The following TOP2B variants were observed in gnomAD, a reference collection of about 807,000 sequenced individuals.
The protein encoded by TOP2B is DNA topoisomerase II beta, also known as DNA topoisomerase 2-beta.
Under a neutral mutation model 193.5 loss-of-function variants are expected in TOP2B, and 51 were observed. The observed-to-expected ratio is 0.26, with a 90% CI of 0.21 to 0.33. The LOEUF (loss-of-function observed/expected upper bound fraction) is 0.33, where lower values mean the gene tolerates loss of function less well. Ranked by LOEUF, TOP2B falls within the 10% of genes least tolerant of loss-of-function variation. The pLI, the probability that TOP2B is intolerant of heterozygous loss-of-function variation, is 1.00. For missense variants in TOP2B, 1,378 were observed against 1,909.3 expected (o/e 0.72, Z 5.19); for synonymous variants, 634 against 635.7 (o/e 1.00, Z 0.04).
chr3:25,599,327 A>T, intron 35 of TOP2B, 108 bp downstream of exon 35: 1 of 906,978 alleles, frequency 1.1e-6, no homozygotes. Context: ...TTGATACGAG[A>T]TGCTAGGTGG....
At chr3:25,598,789 T>TC (rs1575557261) in intron 35 of TOP2B, among the ~76,000 whole-genome samples, 1 of 152,154 alleles carries the variant, frequency 6.6e-6, no homozygotes, top group East Asian at 1.9e-4. Context: ...TAGTAAAAAT[T>TC]CAAGCTGTCC....
rs1405674410 is a variant in TOP2B, at chr3:25,599,583, A to G, written c.4616-54T>C. On this transcript the variant is annotated intron_variant, in intron 34 of 35. Coordinates refer to ENST00000264331, the MANE Select transcript of TOP2B (RefSeq NM_001330700.2). ...CCGTGGTTAAGTGCAATATAAAAAG[A>G]TAAATGCCACAACATTGTAGTTTAT... is the stretch of plus-strand genomic sequence containing the variant. The G allele has an allele frequency of 1.3e-5, 19 of 1,499,624 alleles. No homozygotes were observed. The Admixed American group carries it at 3.3e-4, about 26-fold the overall frequency. The allele number at this position is 1,499,624 out of a possible 1,614,324, so 92.9% of individuals were successfully genotyped here. A position where few individuals can be genotyped will look rare whatever the true frequency, so the allele number is the denominator to read the frequency against.
intron 21 of TOP2B, 113 bp from the exon 22 acceptor site, chr3:25,620,929 T>C: frequency 1.7e-6 from 2 of 1,171,424 alleles, no homozygotes; most frequent in Non-Finnish European, 2.4e-6. Flanking sequence ...TCATCCTCAA[T>C]TGTCCCTTTC....
At chr3:25,598,669 G>T (rs1701997809) in intron 35 of TOP2B, among the ~76,000 whole-genome samples, 192 bp from the exon 36 acceptor site, 1 of 152,170 alleles carries the variant, frequency 6.6e-6, no homozygotes, top group Admixed American at 6.5e-5. Context: ...ATTACATACA[G>T]TAATTCACCA....
chr3:25,630,583 A>G, intron 11 of TOP2B, 114 bp from the exon 12 acceptor site: 1 of 912,992 alleles, frequency 1.1e-6, no homozygotes, highest in Non-Finnish European at 1.6e-6. Flanking sequence ...TATAAAAGTT[A>G]TTTTACATTA....
chr3:25,644,304 T>C (rs992355628), intron 2 of TOP2B, among the ~76,000 whole-genome samples: 1 of 152,162 alleles, frequency 6.6e-6, no homozygotes, highest in Non-Finnish European at 1.5e-5. Flanking sequence ...TCAAATGAGA[T>C]AATATATGTA....
At chr3:25,660,629 T>A (rs1383692478) in intron 1 of TOP2B, among the ~76,000 whole-genome samples, 2 of 152,146 alleles carry the variant, frequency 1.3e-5, no homozygotes, top group African/African-American at 4.8e-5. Flanking sequence ...AAGAGATAAA[T>A]CTAACTATGG....
intron 3 of TOP2B, among the ~76,000 whole-genome samples, chr3:25,643,040 T>C (rs568059637): frequency 6.6e-6 from 1 of 152,246 alleles, no homozygotes; most frequent in African/African-American, 2.4e-5. Flanking sequence ...TGCAACACAG[T>C]TTTAATCTCT....
At position 25,609,675 on chromosome 3, in the gene TOP2B, T is replaced by C. The variant is rs370835943; in HGVS notation, c.3824A>G (p.Asp1275Gly). 9.2e-5 allele frequency: 140 copies of C among 1,523,514 alleles called. No individual in the cohort carries two copies. The highest frequency in any genetic ancestry group is 1.1e-4 in the Non-Finnish European group (129 of 1,141,674). 94.4% of individuals were successfully genotyped at this position (1,523,514 alleles called of 1,614,324 possible). A position where few individuals can be genotyped will look rare whatever the true frequency, so the allele number is the denominator to read the frequency against. Residue 1275 changes from aspartate (D) to glycine (G), a missense_variant, in exon 29 of 36, where the codon GAT becomes GGT. Coordinates refer to ENST00000264331, the MANE Select transcript of TOP2B (RefSeq NM_001330700.2). ...LDTAAVKVEF[D>G]EEFSGAPVEG... ...TACTGGTGCTCCACTGAATTCTTCATCAAATTCCACTTTTACTGCTGCAGT... is the reference window on the plus strand; with the variant it reads ...TACTGGTGCTCCACTGAATTCTTCACCAAATTCCACTTTTACTGCTGCAGT...
At chr3:25,633,141 G>A (rs1321608207) in intron 8 of TOP2B, among the ~76,000 whole-genome samples, 1 of 152,012 alleles carries the variant, frequency 6.6e-6, no homozygotes, top group African/African-American at 2.4e-5. Flanking sequence ...ATTTAGGGTT[G>A]GTTAAGGGCT....
intron 7 of TOP2B, among the ~76,000 whole-genome samples, chr3:25,634,895 C>T (rs913005357): frequency 5.3e-5 from 8 of 151,418 alleles, no homozygotes; most frequent in African/African-American, 1.9e-4. Context: ...GAATAGAGGG[C>T]AGAAAAAAAG....
chr3:25,664,181 G>T, intron 1 of TOP2B, 48 bp downstream of exon 1: 1 of 1,461,502 alleles, frequency 6.8e-7, no homozygotes, highest in Non-Finnish European at 9.1e-7. Flanking sequence ...CGCCCCCGCC[G>T]CGGGCCCGGA....
intron 28 of TOP2B, among the ~76,000 whole-genome samples, chr3:25,610,312 G>C (rs1702336683): frequency 6.6e-6 from 1 of 152,062 alleles, no homozygotes; most frequent in Admixed American, 6.5e-5. Flanking sequence ...AAACACAGAG[G>C]CACACAACAA....
chr3:25,664,742 G>C lies in TOP2B; in HGVS notation c.-445C>G. On this transcript the variant is annotated 5_prime_UTR_variant, in exon 1 of 36. Coordinates refer to ENST00000264331, the MANE Select transcript of TOP2B (RefSeq NM_001330700.2). ...CACTCCGCGAAGGCCAGCCACTCGA[G>C]TCGCCAGAGTAGTCGTCCCGGTCGC... 4.0e-6 allele frequency: 4 copies of C among 987,842 alleles called. No homozygotes were observed. The highest frequency in any genetic ancestry group is 3.6e-6 in the Non-Finnish European group (3 of 830,398). The allele number at this position is 987,842 out of a possible 1,614,324, so 61.2% of individuals were successfully genotyped here.
chr3:25,626,262 C>G (rs944984249), intron 18 of TOP2B, among the ~76,000 whole-genome samples: 1 of 151,934 alleles, frequency 6.6e-6, no homozygotes, highest in Non-Finnish European at 1.5e-5. Flanking sequence ...TTCCATTTTA[C>G]TTTTTTAGAA....
At chr3:25,612,188 C>T (rs180812072) in intron 28 of TOP2B, among the ~76,000 whole-genome samples, 188 of 152,166 alleles carry the variant, frequency 1.2e-3, no homozygotes, top group African/African-American at 4.3e-3. Flanking sequence ...ATGATCCGCC[C>T]GCCTCAGCCT....
chr3:25,607,194 T>G lies in TOP2B; in HGVS notation c.4275A>C (p.Pro1425=). ...ACTCTGGAGTGGCTTTTGATTTGCC[T>G]GGTGAAAATGTATATTCATCTTTAT... ...GLDKDEYTFS[P]GKSKATPEKS... The change falls in exon 31 of 36, where the codon CCA becomes CCC. Residue 1425 remains proline (P), a synonymous_variant. Coordinates refer to ENST00000264331, the MANE Select transcript of TOP2B (RefSeq NM_001330700.2). The G allele has an allele frequency of 6.2e-7, 1 of 1,612,920 alleles. No homozygotes were observed. Among genetic ancestry groups the G allele is most frequent in the South Asian group, 1.1e-5 (1 of 90,938 alleles).
intron 6 of TOP2B, among the ~76,000 whole-genome samples, chr3:25,636,684 C>T (rs1703115556): frequency 6.6e-6 from 1 of 152,012 alleles, no homozygotes; most frequent in Admixed American, 6.6e-5. Flanking sequence ...TCAAATTCTT[C>T]AACGTGACTA....
Position 25,619,954 on chromosome 3 carries a change from C to A in TOP2B, c.2971G>T (p.Val991Leu). Residue 991 changes from valine to leucine, a missense_variant, in exon 23 of 36, where the codon GTG becomes TTG. By Grantham distance (32) the Val-to-Leu change is conservative. Transcript: ENST00000264331. ...GCTAGTTTCTCTTCAGTCATTTTCA[C>A]CACAAATTTCACAGTTGTGTCAGTA... ...YHTDTTVKFVVKMTEEKLAQA... is the reference protein window; with the variant it reads ...YHTDTTVKFVLKMTEEKLAQA... 6.2e-7 allele frequency: 1 copy of A among 1,613,038 alleles called. No individual in the cohort carries two copies. Among genetic ancestry groups the A allele is most frequent in the Non-Finnish European group, 8.5e-7 (1 of 1,179,558 alleles).
Sources: allele counts gnomAD v4.1 joint callset (sites outside exome capture counted in the v4.1 genomes callset), GRCh38; gene constraint gnomAD v4.1.1; transcripts MANE v1.5; gene names NCBI Gene and HGNC (gene_info 2026-07-23, HGNC 2026-07-21).